The following NID1 variants were observed in gnomAD, a reference collection of about 807,000 sequenced individuals.
NID1 encodes the protein nidogen 1.
NID1 carries 76 observed loss-of-function variants against 130.6 expected under a neutral mutation model. That is an observed-to-expected ratio of 0.58 (90% CI 0.48 to 0.70). NID1 has a LOEUF of 0.70. Among genes scored for constraint, NID1 ranks in the 30% least tolerant of loss-of-function variants. The pLI is 0.00. For missense variants in NID1, 1,517 were observed against 1,664.8 expected, an observed-to-expected ratio of 0.91 and a Z score of 1.54; for synonymous variants, 665 against 675.1, an observed-to-expected ratio of 0.98 and a Z score of 0.23.
intron 4 of NID1, among the ~76,000 whole-genome samples, chr1:236,039,512 T>C (rs79468055): frequency 0.016 from 2,458 of 152,188 alleles, 72 homozygotes; most frequent in African/African-American, 0.055. Context: ...CTAAAAAGCC[T>C]TTGACCCAAG....
chr1:235,992,920 G>T (rs755797428), intron 13 of NID1, among the ~76,000 whole-genome samples: 1 of 152,174 alleles, frequency 6.6e-6, no homozygotes, highest in Non-Finnish European at 1.5e-5. Flanking sequence ...AACGGAAGGA[G>T]AATTTTAGAG....
rs3768088 is a variant in NID1 at position 236,045,724 on chromosome 1, C to T, written c.526-41G>A. 32 of 1,461,936 alleles carry T rather than the reference C, an allele frequency of 2.2e-5. No homozygotes were observed. In the South Asian group the frequency reaches 2.7e-4, roughly 12 times the overall value. 90.6% of individuals were successfully genotyped at this position (1,461,936 alleles called of 1,614,324 possible). A position where few individuals can be genotyped will look rare whatever the true frequency, so the allele number is the denominator to read the frequency against. On this transcript the variant is annotated intron_variant, in intron 2 of 19. Coordinates refer to ENST00000264187, the MANE Select transcript of NID1 (RefSeq NM_002508.3). ...AAAATTCAGTTACTCGGAAAAATAT[C>T]GATAGATTTTAAAATGTGTTATTCG...
At chr1:235,996,083 G>A (rs1218280659) in intron 12 of NID1, among the ~76,000 whole-genome samples, 7 of 152,202 alleles carry the variant, frequency 4.6e-5, no homozygotes, top group African/African-American at 9.7e-5. Context: ...GAGCCCAGGA[G>A]TTTGAGGCTG....
At position 235,999,307 on chromosome 1, in the gene NID1, G is replaced by A. The variant is rs938063630; in HGVS notation, c.2528-5435C>T. The stretch of plus-strand genomic sequence containing the variant: ...TTTGGTCAGCATAGAAAATCTCAAG[G>A]GCTCTAGAATTTACAGTGGAACTTT... On this transcript the variant is annotated intron_variant, in intron 12 of 19. Coordinates refer to ENST00000264187, the MANE Select transcript of NID1 (RefSeq NM_002508.3). Among the ~76,000 whole-genome samples the A allele has an allele frequency of 3.3e-5, 5 of 152,196 alleles. No individual in the cohort carries two copies. The South Asian group carries it at 1.0e-3, about 31-fold the overall frequency.
intron 6 of NID1, 137 bp downstream of exon 6, chr1:236,032,264 C>T (rs1424387720): frequency 8.7e-6 from 9 of 1,038,260 alleles, no homozygotes; most frequent in Non-Finnish European, 1.3e-5. Flanking sequence ...TACAGGATGC[C>T]CTGTCTACAG....
chr1:236,053,999 G>T (rs1034455240), intron 1 of NID1, among the ~76,000 whole-genome samples: 46 of 152,216 alleles, frequency 3.0e-4, no homozygotes, highest in Middle Eastern at 3.4e-3. Context: ...CAGTTTACAG[G>T]AAATACAGGA....
At chr1:236,019,730 C>T (rs76735642) in intron 9 of NID1, among the ~76,000 whole-genome samples, 257 of 152,248 alleles carry the variant, frequency 1.7e-3, no homozygotes, top group African/African-American at 6.0e-3. Flanking sequence ...GAAATTCTTC[C>T]TAATGTATAA....
intron 7 of NID1, among the ~76,000 whole-genome samples, chr1:236,026,897 C>T (rs1658948569): frequency 6.6e-6 from 1 of 152,098 alleles, no homozygotes; most frequent in Non-Finnish European, 1.5e-5. Flanking sequence ...TGCTATCACG[C>T]TCAGCTCATT....
intron 1 of NID1, among the ~76,000 whole-genome samples, chr1:236,063,875 G>T (rs1387841916): frequency 6.6e-6 from 1 of 152,216 alleles, no homozygotes; most frequent in East Asian, 1.9e-4. Context: ...ACCAACATGG[G>T]GGAGGGCTCT....
At chr1:235,991,109 A>G in intron 13 of NID1, 51 bp from the exon 14 acceptor site, 1 of 1,423,304 alleles carries the variant, frequency 7.0e-7, no homozygotes, top group Non-Finnish European at 9.4e-7. Flanking sequence ...CCAGGAACAC[A>G]CAGATGCACA....
rs564051119 is a variant in NID1 at position 235,997,476 on chromosome 1, C to T, written c.2528-3604G>A. On this transcript the variant is annotated intron_variant, in intron 12 of 19. Coordinates refer to ENST00000264187, the MANE Select transcript of NID1 (RefSeq NM_002508.3). ...TTGTATATATGTTTACACATGTGTACATTAATTAATATATACTAAAATGTT... is the reference window on the plus strand; with the variant it reads ...TTGTATATATGTTTACACATGTGTATATTAATTAATATATACTAAAATGTT... Among the ~76,000 whole-genome samples, 132 of 151,780 alleles carry T rather than the reference C, an allele frequency of 8.7e-4. 1 individual carries two copies. Among genetic ancestry groups the T allele is most frequent in the African/African-American group, 3.0e-3 (125 of 41,384 alleles).
At chr1:236,005,291 T>G (rs1486771297) in intron 12 of NID1, among the ~76,000 whole-genome samples, 1 of 152,062 alleles carries the variant, frequency 6.6e-6, no homozygotes, top group Non-Finnish European at 1.5e-5. Flanking sequence ...TTTTTTTTTA[T>G]TTTTGAAGAT....
At chr1:235,987,892 ACT>A (rs948579752) in intron 14 of NID1, among the ~76,000 whole-genome samples, 3 of 152,180 alleles carry the variant, frequency 2.0e-5, no homozygotes, top group African/African-American at 7.2e-5. Context: ...ACAAAAATTA[ACT>A]CAAATGAATC....
intron 1 of NID1, among the ~76,000 whole-genome samples, chr1:236,052,333 A>G (rs1370066909): frequency 2.6e-5 from 4 of 151,276 alleles, no homozygotes; most frequent in Non-Finnish European, 5.9e-5. Context: ...GGGAGCAAAA[A>G]GGGAAAGGAC....
At chr1:236,014,884 C>T (rs1658543070) in intron 10 of NID1, among the ~76,000 whole-genome samples, 1 of 152,224 alleles carries the variant, frequency 6.6e-6, no homozygotes, top group South Asian at 2.1e-4. Context: ...CTGAGGCCCA[C>T]CTTTCCTTCA....
chr1:236,055,942 C>A (rs182545562), intron 1 of NID1, among the ~76,000 whole-genome samples: 2 of 151,886 alleles, frequency 1.3e-5, no homozygotes, highest in African/African-American at 4.8e-5. Flanking sequence ...TACAGATAGC[C>A]GTGATAGATC....
At chr1:236,020,975 T>C (rs980013053) in intron 9 of NID1, among the ~76,000 whole-genome samples, 10 of 152,190 alleles carry the variant, frequency 6.6e-5, no homozygotes, top group African/African-American at 2.4e-4. Context: ...AGTGAAGCAC[T>C]CCCACTGTGG....
chr1:235,992,053 A>T (rs1193265467), intron 13 of NID1, among the ~76,000 whole-genome samples: 2 of 152,186 alleles, frequency 1.3e-5, no homozygotes, highest in Non-Finnish European at 2.9e-5. Context: ...CAGGAGGGAC[A>T]CACAACTGTG....
Position 236,048,689 on chromosome 1 carries a change from C to G in NID1, c.525+1G>C. ...GCACTTGGACCTGGAGGGGAGCTTACCTTGCCTTTCTGGTCTGGGTCCCTG... is the reference window on the plus strand; with the variant it reads ...GCACTTGGACCTGGAGGGGAGCTTAGCTTGCCTTTCTGGTCTGGGTCCCTG... On this transcript the variant is annotated splice_donor_variant, in intron 2 of 19. Transcript: ENST00000264187. LOFTEE classifies it high-confidence loss of function. The G allele has an allele frequency of 6.2e-7, 1 of 1,608,444 alleles. No homozygotes were observed. Among genetic ancestry groups the G allele is most frequent in the Non-Finnish European group, 8.5e-7 (1 of 1,179,086 alleles).
Sources: allele counts gnomAD v4.1 joint callset (sites outside exome capture counted in the v4.1 genomes callset), GRCh38; gene constraint gnomAD v4.1.1; transcripts MANE v1.5; gene names NCBI Gene and HGNC (gene_info 2026-07-23, HGNC 2026-07-21).